Variants in RPS18 observed in about 807,000 individuals in gnomAD.
The protein encoded by RPS18 is small ribosomal subunit protein uS13.
For synonymous variants in RPS18, 64 were observed against 70.9 expected (o/e 0.90, Z 0.49); for missense variants, 49 against 200.8 (o/e 0.24, Z 4.57).
intron 2 of RPS18, among the ~76,000 whole-genome samples, chr6:33,273,144 A>G (rs541794754): frequency 1.3e-5 from 2 of 152,318 alleles, no homozygotes; most frequent in South Asian, 4.1e-4. Flanking sequence ...GGATAAGTAG[A>G]AATACCAACA....
rs878974924 is a variant in RPS18 at position 33,275,794 on chromosome 6, C to T, written c.103-3C>T. The T allele has an allele frequency of 1.3e-6, 2 of 1,597,068 alleles. No individual in the cohort carries two copies. The highest frequency in any genetic ancestry group is 4.5e-5 in the East Asian group (2 of 44,816). On this transcript the variant is annotated splice_region_variant and splice_polypyrimidine_tract_variant and intron_variant, in intron 2 of 5. Coordinates refer to ENST00000439602, the MANE Select transcript of RPS18 (RefSeq NM_022551.3). ...TAATTCCGAAACCCCTCACTTCATT[C>T]AGGGTGTGGGCCGAAGATATGCTCA...
At chr6:33,274,237 G>A (rs1765483220) in intron 2 of RPS18, among the ~76,000 whole-genome samples, 1 of 152,176 alleles carries the variant, frequency 6.6e-6, no homozygotes, top group South Asian at 2.1e-4. Flanking sequence ...TTTTGAGACT[G>A]TCGCCCAGGC....
intron 2 of RPS18, 32 bp from the exon 3 acceptor site, chr6:33,275,765 A>G (rs1406464577): frequency 1.4e-6 from 2 of 1,379,504 alleles, no homozygotes; most frequent in Non-Finnish European, 2.1e-6. Context: ...ATCAGATTCA[A>G]CACTAATTCC....
At chr6:33,273,984 GTC>G (rs1170820633) in intron 2 of RPS18, among the ~76,000 whole-genome samples, 11 of 152,184 alleles carry the variant, frequency 7.2e-5, no homozygotes, top group Non-Finnish European at 1.5e-4. Context: ...CCGAGACAGA[GTC>G]TCACCCCGTC....
rs1410421108 is a variant in RPS18 at position 33,276,266 on chromosome 6, G to A, written c.382G>A (p.Gly128Ser). ...RAHRGLRHFWGLRVRGQHTKT... is the reference protein window; with the variant it reads ...RAHRGLRHFWSLRVRGQHTKT... ...CCATAGAGGGCTGCGTCACTTCTGG[G>A]GGTGAGTGGGGGGTCTCATCTCCCT... The change falls in exon 5 of 6, where the codon GGC (glycine) becomes AGC (serine). Residue 128 changes from glycine (G) to serine (S), a missense_variant and splice_region_variant. Gly to Ser is a moderately conservative substitution (Grantham distance 56, BLOSUM62 0). Coordinates refer to ENST00000439602, the MANE Select transcript of RPS18 (RefSeq NM_022551.3). The A allele has an allele frequency of 1.9e-6, 3 of 1,613,236 alleles. No individual in the cohort carries two copies. Among genetic ancestry groups the A allele is most frequent in the Non-Finnish European group, 2.5e-6 (3 of 1,179,486 alleles).
rs763217143 is a variant in RPS18 at position 33,276,388 on chromosome 6, C to T, written c.384-3C>T. 1.2e-6 allele frequency: 2 copies of T among 1,613,842 alleles called. No homozygotes were observed. Among genetic ancestry groups the T allele is most frequent in the African/African-American group, 1.3e-5 (1 of 74,928 alleles). On this transcript the variant is annotated splice_polypyrimidine_tract_variant and splice_region_variant and intron_variant, in intron 5 of 5. Transcript: ENST00000439602. ...CCTGTGACTCTTCTCTTTTTACCTG[C>T]AGCCTTCGTGTCCGAGGCCAGCACA...
In RPS18 at chr6:33,272,134, A is replaced by G. The variant is rs2150871878; in HGVS notation, c.3+12A>G. ...GTGCTGCAGCCATGGTAAGACTGGA[A>G]TCCGTGCCGTGATCCAGCGGCATCG... is the stretch of plus-strand genomic sequence containing the variant. On this transcript the variant is annotated intron_variant, in intron 1 of 5. Transcript: ENST00000439602. The G allele has an allele frequency of 6.4e-7, 1 of 1,563,734 alleles. No homozygotes were observed. The highest frequency in any genetic ancestry group is 8.7e-7 in the Non-Finnish European group (1 of 1,154,022).
chr6:33,275,480 A>T (rs72654477), intron 2 of RPS18: 9,791 of 318,174 alleles, frequency 0.031, 280 homozygotes, highest in African/African-American at 0.086. Context: ...CATGCTCAGC[A>T]ACTTTTCTTG....
At chr6:33,273,993 C>CG (rs1187728319) in intron 2 of RPS18, among the ~76,000 whole-genome samples, 2 of 152,214 alleles carry the variant, frequency 1.3e-5, no homozygotes, top group Non-Finnish European at 2.9e-5. Flanking sequence ...AGTCTCACCC[C>CG]GTCACCCAGG....
Sources: allele counts gnomAD v4.1 joint callset (sites outside exome capture counted in the v4.1 genomes callset), GRCh38; gene constraint gnomAD v4.1.1; transcripts MANE v1.5; gene names NCBI Gene and HGNC (gene_info 2026-07-23, HGNC 2026-07-21).